The following DNAH12 variants were observed in gnomAD, a reference collection of about 807,000 sequenced individuals.
DNAH12 encodes dynein axonemal heavy chain 12.
Under a neutral mutation model 371.5 loss-of-function variants are expected in DNAH12, and 285 were observed. The observed-to-expected ratio is 0.77, with a 90% CI of 0.70 to 0.85. DNAH12 has a LOEUF of 0.85. DNAH12 is among the 40% of genes least tolerant of loss of function. The probability of loss-of-function intolerance (pLI) is 0.00; values close to 1 mark genes in which losing one functional copy is unlikely to be tolerated. For synonymous variants in DNAH12, 1,200 were observed against 1,213.0 expected (o/e 0.99, Z 0.22); for missense variants, 3,611 against 3,689.4 (o/e 0.98, Z 0.55).
chr3:57,426,540 A>T (rs892695372), intron 34 of DNAH12, among the ~76,000 whole-genome samples: 1 of 151,950 alleles, frequency 6.6e-6, no homozygotes, highest in East Asian at 1.9e-4. Context: ...AAATCAATAG[A>T]TCCTGGGGCC....
intron 60 of DNAH12, among the ~76,000 whole-genome samples, chr3:57,335,704 A>C (rs2062206909): frequency 6.6e-6 from 1 of 152,232 alleles, no homozygotes; most frequent in African/African-American, 2.4e-5. Context: ...TTGCATATGC[A>C]GTTTGTTGCT....
chr3:57,356,842 C>T (rs968818985), intron 59 of DNAH12, among the ~76,000 whole-genome samples: 15 of 151,998 alleles, frequency 9.9e-5, no homozygotes, highest in African/African-American at 3.1e-4. Context: ...TGAGTTCAAG[C>T]GATTCTCCTC....
chr3:57,429,406 C>T (rs1400658217), intron 33 of DNAH12, among the ~76,000 whole-genome samples: 1 of 152,074 alleles, frequency 6.6e-6, no homozygotes, highest in Non-Finnish European at 1.5e-5. Flanking sequence ...GAACTTCCCA[C>T]CTCAGGTGAT....
In DNAH12 at chr3:57,318,976, ATAATT is replaced by A. The variant is rs775990486; in HGVS notation, c.10524+3362_10524+3366del. On this transcript the variant is annotated intron_variant, in intron 65 of 73. Transcript: ENST00000495027. ...CACTTTGGTTAGTTTGCACATTTTA[ATAATT>A]TAAGTCTTCCAATCCATGAACATGG... 5.3e-5 allele frequency among the ~76,000 whole-genome samples: 8 copies of A among 152,252 alleles called. No homozygotes were observed. In the East Asian group the frequency reaches 1.4e-3, roughly 26 times the overall value.
intron 70 of DNAH12, chr3:57,297,394 T>C (rs1045432539): frequency 4.5e-5 from 8 of 179,020 alleles, no homozygotes; most frequent in African/African-American, 1.7e-4. Flanking sequence ...CGCGCACCAT[T>C]ACCCAGGCTG....
chr3:57,529,664 T>C (rs1207656999), intron 2 of DNAH12, among the ~76,000 whole-genome samples: 4 of 152,122 alleles, frequency 2.6e-5, no homozygotes, highest in Non-Finnish European at 4.4e-5. Flanking sequence ...CTATTTTGTT[T>C]AACTTTTCAA....
At chr3:57,481,919 T>C (rs2066757881) in intron 13 of DNAH12, among the ~76,000 whole-genome samples, 1 of 152,104 alleles carries the variant, frequency 6.6e-6, no homozygotes, top group Non-Finnish European at 1.5e-5. Flanking sequence ...CAAAAACTAA[T>C]TCAAGATGGA....
At chr3:57,370,019 T>C (rs2063135969) in intron 55 of DNAH12, among the ~76,000 whole-genome samples, 1 of 152,194 alleles carries the variant, frequency 6.6e-6, no homozygotes, top group Non-Finnish European at 1.5e-5. Flanking sequence ...GCATTCTAAG[T>C]ATACCTTACT....
chr3:57,433,250 C>A, intron 32 of DNAH12, 117 bp downstream of exon 32: 1 of 1,227,304 alleles, frequency 8.1e-7, no homozygotes, highest in Admixed American at 3.5e-5. Flanking sequence ...ACCTACTCAA[C>A]TTGCTGCATC....
chr3:57,478,172 T>A (rs1002743364), intron 13 of DNAH12, among the ~76,000 whole-genome samples: 1 of 152,028 alleles, frequency 6.6e-6, no homozygotes, highest in Non-Finnish European at 1.5e-5. Context: ...GTTAAAGACC[T>A]TGAAAAAAAA....
intron 29 of DNAH12, among the ~76,000 whole-genome samples, chr3:57,439,322 C>G (rs2065233240): frequency 6.6e-6 from 1 of 152,034 alleles, no homozygotes; most frequent in Non-Finnish European, 1.5e-5. Flanking sequence ...TTACAGTAAC[C>G]AAAACTGTAT....
Position 57,399,880 on chromosome 3 carries a change from A to T in DNAH12, c.6948+3429T>A, listed in dbSNP as rs1027889339. ...CTTTTATCTGGCGTACTTTATTATA[A>T]GAATACAGTTTAATACATATAACAT... On this transcript the variant is annotated intron_variant, in intron 43 of 73. Transcript: ENST00000495027. Among the ~76,000 whole-genome samples, 8 of 152,362 alleles carry T rather than the reference A, an allele frequency of 5.3e-5. No homozygotes were observed. In the East Asian group the frequency reaches 1.5e-3, roughly 29 times the overall value.
chr3:57,458,269 T>C, intron 20 of DNAH12, 49 bp from the exon 21 acceptor site: 1 of 1,504,716 alleles, frequency 6.6e-7, no homozygotes, highest in Non-Finnish European at 8.8e-7. Context: ...CCAGATATAA[T>C]TATGACTTAA....
chr3:57,331,583 C>T (rs1348704941), intron 62 of DNAH12, among the ~76,000 whole-genome samples: 1 of 152,002 alleles, frequency 6.6e-6, no homozygotes, highest in African/African-American at 2.4e-5. Flanking sequence ...AGAGACAGAG[C>T]ATTAGATAAT....
At position 57,444,712 on chromosome 3, in the gene DNAH12, A is replaced by G; in HGVS notation, c.4530T>C (p.Pro1510=). The change falls in exon 29 of 74, where the codon CCT becomes CCC. Residue 1510 remains proline, a synonymous_variant. Transcript: ENST00000495027. ...TSDLFPGIKL[P]EADYHEFLEC... Reference sequence around the variant, plus strand: ...GTTTACTTACGTGATAGTCAGCTTCAGGAAGTTTAATACCAGGAAATAAGT... The same window carrying G: ...GTTTACTTACGTGATAGTCAGCTTCGGGAAGTTTAATACCAGGAAATAAGT... 9 of 1,550,242 alleles carry G rather than the reference A, an allele frequency of 5.8e-6. No individual in the cohort carries two copies. Among genetic ancestry groups the G allele is most frequent in the Non-Finnish European group, 7.9e-6 (9 of 1,146,382 alleles).
chr3:57,407,071 G>A (rs1240785209), intron 40 of DNAH12, among the ~76,000 whole-genome samples: 2 of 151,886 alleles, frequency 1.3e-5, no homozygotes, highest in Non-Finnish European at 2.9e-5. Flanking sequence ...GCTAATTTTT[G>A]TATTTTTAGT....
rs1348192057 is a variant in DNAH12, at chr3:57,415,464, T to C, written c.5815A>G (p.Ile1939Val). The change falls in exon 38 of 74, where the codon ATT becomes GTT. Residue 1939 changes from isoleucine to valine, a missense_variant. This residue lies in a region of DNAH12 where 2,266 missense variants were observed against 2,236.9 expected (regional missense o/e 1.01). Coordinates refer to ENST00000495027, the MANE Select transcript of DNAH12 (RefSeq NM_001366028.2). ...GCGCTGGTCCGTGCAGATAAGTTAA[T>C]ATAAAAAGGAAAGTACTGGTCCTTT... The part of the protein sequence containing the change: ...LEKDQYFPFY[I>V]NLSARTSANQ... The C allele has an allele frequency of 6.4e-7, 1 of 1,550,878 alleles. No individual in the cohort carries two copies. The highest frequency in any genetic ancestry group is 8.7e-7 in the Non-Finnish European group (1 of 1,146,836).
intron 60 of DNAH12, among the ~76,000 whole-genome samples, chr3:57,338,972 T>C (rs1332042440): frequency 3.9e-5 from 6 of 152,188 alleles, no homozygotes; most frequent in African/African-American, 1.4e-4. Context: ...AGAGATCAGA[T>C]TGTTACTGTG....
At chr3:57,499,711 C>T (rs138438391) in intron 11 of DNAH12, among the ~76,000 whole-genome samples, 7 of 125,354 alleles carry the variant, frequency 5.6e-5, no homozygotes, top group Non-Finnish European at 8.0e-5. Context: ...TGGAGGTGTA[C>T]GCTTCCAGTC....
Sources: allele counts gnomAD v4.1 joint callset (sites outside exome capture counted in the v4.1 genomes callset), GRCh38; gene constraint gnomAD v4.1.1; regional missense constraint gnomAD v4.1.1; transcripts MANE v1.5; gene names NCBI Gene and HGNC (gene_info 2026-07-23, HGNC 2026-07-21).